The following TYW1B variants were observed in gnomAD, a reference collection of about 807,000 sequenced individuals.
TYW1B encodes the protein S-adenosyl-L-methionine-dependent tRNA 4-demethylwyosine synthase TYW1B.
A neutral mutation model predicts 86.9 loss-of-function variants in TYW1B; 73 were observed. The ratio of observed to expected loss-of-function variants is 0.84; its 90% CI spans 0.70 to 1.02. The LOEUF (loss-of-function observed/expected upper bound fraction) is 1.02. TYW1B is among the 50% of genes least tolerant of loss of function. TYW1B has a pLI of 0.00. For synonymous variants in TYW1B, 248 were observed against 292.8 expected, an observed-to-expected ratio of 0.85 and a Z score of 1.56; for missense variants, 637 against 827.4, an observed-to-expected ratio of 0.77 and a Z score of 2.82.
At chr7:72,595,601 T>A (rs1237076394) in intron 13 of TYW1B, among the ~76,000 whole-genome samples, 2 of 152,134 alleles carry the variant, frequency 1.3e-5, no homozygotes, top group Non-Finnish European at 2.9e-5. Flanking sequence ...GAGGATCTCT[T>A]GAGTCTCAGA....
chr7:72,666,839 G>A (rs1251016157), intron 11 of TYW1B, among the ~76,000 whole-genome samples: 1 of 151,756 alleles, frequency 6.6e-6, no homozygotes, highest in Non-Finnish European at 1.5e-5. Context: ...AGACCATCCT[G>A]GCTAACACAG....
At chr7:72,767,909 A>G (rs1288764553) in intron 7 of TYW1B, among the ~76,000 whole-genome samples, 1 of 152,156 alleles carries the variant, frequency 6.6e-6, no homozygotes, top group Non-Finnish European at 1.5e-5. Flanking sequence ...CACACCATTC[A>G]TAAAAATTAA....
intron 8 of TYW1B, among the ~76,000 whole-genome samples, chr7:72,730,390 A>G (rs1250696332): frequency 1.3e-5 from 2 of 150,546 alleles, no homozygotes; most frequent in African/African-American, 4.9e-5. Context: ...TATCACAAAA[A>G]AGAGCCAAAC....
At chr7:72,791,470 G>A (rs1449575779) in intron 6 of TYW1B, among the ~76,000 whole-genome samples, 1 of 151,822 alleles carries the variant, frequency 6.6e-6, no homozygotes. Context: ...GACAATGGGA[G>A]CCTTGGACTT....
Position 72,728,727 on chromosome 7 carries a change from G to A in TYW1B, c.1192+95C>T, listed in dbSNP as rs1172388333. The A allele has an allele frequency of 5.6e-6, 7 of 1,250,568 alleles. No individual in the cohort carries two copies. The African/African-American group carries it at 9.1e-5, about 16-fold the overall frequency. The allele number at this position is 1,250,568 out of a possible 1,614,324, so 77.5% of individuals were successfully genotyped here. On this transcript the variant is annotated intron_variant, in intron 9 of 13. Coordinates refer to ENST00000620995, the MANE Select transcript of TYW1B (RefSeq NM_001145440.3). ...CTTCCTTAGAGGAAAATTTGCCAGT[G>A]GGGACAAAATCCTACCAAAGAGGCA... is the stretch of plus-strand genomic sequence containing the variant.
At chr7:72,655,427 C>G (rs1490009568) in intron 11 of TYW1B, among the ~76,000 whole-genome samples, 1 of 152,172 alleles carries the variant, frequency 6.6e-6, no homozygotes, top group African/African-American at 2.4e-5. Context: ...GTATTGAGCT[C>G]AACCCCCACC....
chr7:72,608,721 G>A (rs1254195371), intron 13 of TYW1B, among the ~76,000 whole-genome samples: 3 of 152,204 alleles, frequency 2.0e-5, no homozygotes, highest in Non-Finnish European at 4.4e-5. Context: ...TCAAAAGAAA[G>A]TCGAAGTGGC....
intron 11 of TYW1B, among the ~76,000 whole-genome samples, chr7:72,644,463 G>T (rs1267170132): frequency 9.2e-5 from 14 of 152,096 alleles, no homozygotes; most frequent in African/African-American, 2.9e-4. Context: ...CAGAAGAATC[G>T]CTTGAACTCA....
Position 72,763,654 on chromosome 7 carries a change from T to A in TYW1B, c.964+13762A>T, listed in dbSNP as rs1488894391. ...TATTTTAATTATCACTCTGATTAAA[T>A]GAGTAACTACTATTTATGAGTGACC... On this transcript the variant is annotated intron_variant, in intron 7 of 13. Coordinates refer to ENST00000620995, the MANE Select transcript of TYW1B (RefSeq NM_001145440.3). Among the ~76,000 whole-genome samples, 11 of 152,358 alleles carry A rather than the reference T, an allele frequency of 7.2e-5. No homozygotes were observed. The East Asian group carries it at 2.1e-3, about 29-fold the overall frequency.
intron 6 of TYW1B, among the ~76,000 whole-genome samples, chr7:72,779,686 C>T (rs1385694705): frequency 4.9e-5 from 6 of 121,356 alleles, no homozygotes; most frequent in African/African-American, 1.9e-4. Flanking sequence ...CACTGCACTC[C>T]AGCCTGGGCG....
At chr7:72,730,584 G>A (rs1255394824) in intron 8 of TYW1B, among the ~76,000 whole-genome samples, 4 of 148,782 alleles carry the variant, frequency 2.7e-5, no homozygotes, top group African/African-American at 9.9e-5. Flanking sequence ...AAAAGAAAAG[G>A]AAAAGAAGAA....
At chr7:72,774,828 A>G (rs530848898) in intron 7 of TYW1B, among the ~76,000 whole-genome samples, 1 of 152,296 alleles carries the variant, frequency 6.6e-6, no homozygotes, top group Admixed American at 6.5e-5. Context: ...ATGCAAACAG[A>G]CAGGAAAACA....
intron 12 of TYW1B, among the ~76,000 whole-genome samples, chr7:72,625,899 G>GGA (rs1432032673): frequency 6.0e-5 from 5 of 83,172 alleles, no homozygotes; most frequent in East Asian, 6.3e-4. Flanking sequence ...GGTGGGGCGG[G>GGA]GGGGGGGGAA....
At chr7:72,752,149 C>G (rs946589115) in intron 7 of TYW1B, among the ~76,000 whole-genome samples, 6 of 152,144 alleles carry the variant, frequency 3.9e-5, no homozygotes, top group Non-Finnish European at 7.4e-5. Flanking sequence ...TGCCACCCAG[C>G]CAACATCATA....
chr7:72,600,483 G>GA (rs1410968226), intron 13 of TYW1B, among the ~76,000 whole-genome samples: 8 of 151,916 alleles, frequency 5.3e-5, no homozygotes, highest in Non-Finnish European at 8.8e-5. Context: ...TGGGATCCAT[G>GA]AAAAAAAATT....
At chr7:72,811,738 C>T (rs1764471463) in intron 3 of TYW1B, among the ~76,000 whole-genome samples, 1 of 151,254 alleles carries the variant, frequency 6.6e-6, no homozygotes, top group South Asian at 2.1e-4. Context: ...AGAGTGAAAC[C>T]CCGTCTCTAC....
At chr7:72,745,806 A>C (rs1787382679) in intron 7 of TYW1B, among the ~76,000 whole-genome samples, 1 of 151,550 alleles carries the variant, frequency 6.6e-6, no homozygotes, top group African/African-American at 2.4e-5. Context: ...GAACAAGCAG[A>C]AGGAAAGCAG....
At chr7:72,729,287 A>C (rs1787062429) in intron 8 of TYW1B, among the ~76,000 whole-genome samples, 1 of 152,312 alleles carries the variant, frequency 6.6e-6, no homozygotes, top group South Asian at 2.1e-4. Flanking sequence ...ACACTTCATA[A>C]AGTGAGTGAG....
chr7:72,634,680 A>G (rs1351621358), intron 11 of TYW1B, among the ~76,000 whole-genome samples: 2 of 151,992 alleles, frequency 1.3e-5, no homozygotes, highest in East Asian at 3.9e-4. Flanking sequence ...AACAACACTT[A>G]GTGTTGCTAG....
Sources: allele counts gnomAD v4.1 joint callset (sites outside exome capture counted in the v4.1 genomes callset), GRCh38; gene constraint gnomAD v4.1.1; transcripts MANE v1.5; gene names NCBI Gene and HGNC (gene_info 2026-07-23, HGNC 2026-07-21).